Variants in ATG7 observed in about 807,000 individuals in gnomAD.
ATG7 encodes ubiquitin-like modifier-activating enzyme ATG7.
ATG7 carries 70 observed loss-of-function variants against 82.4 expected under a neutral mutation model. The observed-to-expected ratio is 0.85, with a 90% CI of 0.70 to 1.04. ATG7 has a LOEUF of 1.04. Among genes scored for constraint, ATG7 ranks in the 50% least tolerant of loss-of-function variants. The pLI is 0.00. For missense variants in ATG7, 792 were observed against 864.3 expected (o/e 0.92, Z 1.05); for synonymous variants, 287 against 313.0 (o/e 0.92, Z 0.88).
chr3:11,527,100 T>C (rs1411367954), intron 20 of ATG7, among the ~76,000 whole-genome samples: 1 of 146,820 alleles, frequency 6.8e-6, no homozygotes, highest in Non-Finnish European at 1.5e-5. Context: ...TATACATACA[T>C]ATACATATAC....
At chr3:11,558,703 G>A, downstream of ATG7, 1 of 1,614,036 alleles carries the variant, frequency 6.2e-7, no homozygotes. Context: ...CCAGAGCTTT[G>A]GCAAAGTGGT....
intron 6 of ATG7, chr3:11,308,724 T>G (rs560498190): frequency 3.0e-5 from 16 of 525,128 alleles, no homozygotes; most frequent in Non-Finnish European, 5.1e-5. Flanking sequence ...ATGGCCTGGT[T>G]GCCCCCTCGG....
intron 5 of ATG7, among the ~76,000 whole-genome samples, chr3:11,306,035 A>G (rs1559360820): frequency 6.6e-6 from 1 of 152,250 alleles, no homozygotes. Flanking sequence ...ATCATTTCAG[A>G]GAAGAGACCA....
intron 9 of ATG7, among the ~76,000 whole-genome samples, chr3:11,322,873 A>G (rs1352133025): frequency 1.3e-5 from 2 of 152,202 alleles, no homozygotes; most frequent in Admixed American, 1.3e-4. Flanking sequence ...CCTAGGTGAG[A>G]GGATTGTTTG....
intron 19 of ATG7, among the ~76,000 whole-genome samples, chr3:11,399,584 T>C (rs915876129): frequency 6.6e-6 from 1 of 151,912 alleles, no homozygotes; most frequent in Non-Finnish European, 1.5e-5. Flanking sequence ...CTTCCTTCTT[T>C]CCTTCCTTTT....
At chr3:11,335,990 C>G (rs1221916106) in intron 11 of ATG7, among the ~76,000 whole-genome samples, 1 of 151,882 alleles carries the variant, frequency 6.6e-6, no homozygotes, top group East Asian at 1.9e-4. Flanking sequence ...CCCGCCTCGG[C>G]CTCCCAAAGT....
intron 20 of ATG7, chr3:11,510,077 G>A (rs1272801072): frequency 5.9e-6 from 2 of 339,876 alleles, no homozygotes; most frequent in Non-Finnish European, 1.2e-5. Context: ...TATTCTGCCC[G>A]CCCATCTTCT....
chr3:11,386,767 T>C (rs1394105452), intron 19 of ATG7, among the ~76,000 whole-genome samples: 2 of 152,228 alleles, frequency 1.3e-5, no homozygotes, highest in Admixed American at 1.3e-4. Context: ...TCCATATGTA[T>C]GATTGTGTGG....
At chr3:11,524,299 T>G (rs2092517826) in intron 20 of ATG7, among the ~76,000 whole-genome samples, 1 of 152,182 alleles carries the variant, frequency 6.6e-6, no homozygotes, top group Non-Finnish European at 1.5e-5. Flanking sequence ...CCCACTCTTG[T>G]CCCCACTGGG....
the ATG7 span, among the ~76,000 whole-genome samples, chr3:11,576,035 A>G: frequency 6.6e-6 from 1 of 152,236 alleles, no homozygotes; most frequent in East Asian, 1.9e-4. Flanking sequence ...AACTGTCTAC[A>G]TGTGTTTTCC....
At chr3:11,365,740 A>G (rs1386731236) in intron 18 of ATG7, among the ~76,000 whole-genome samples, 2 of 152,200 alleles carry the variant, frequency 1.3e-5, no homozygotes, top group Non-Finnish European at 2.9e-5. Flanking sequence ...GATGAGAATC[A>G]GAAGAGGGGA....
At chr3:11,276,524 A>C (rs1941835658) in intron 1 of ATG7, among the ~76,000 whole-genome samples, 1 of 151,856 alleles carries the variant, frequency 6.6e-6, no homozygotes, top group Non-Finnish European at 1.5e-5. Context: ...AGTTATCTAG[A>C]GTTGCTTCCT....
intron 5 of ATG7, 141 bp downstream of exon 5, chr3:11,299,557 C>T (rs1328593386): frequency 3.9e-6 from 3 of 778,216 alleles, no homozygotes; most frequent in Admixed American, 2.2e-5. Flanking sequence ...TCATGATTCT[C>T]TTATACCTCC....
At chr3:11,440,327 T>TC (rs1429660031) in intron 20 of ATG7, among the ~76,000 whole-genome samples, 1 of 141,664 alleles carries the variant, frequency 7.1e-6, no homozygotes, top group East Asian at 2.1e-4. Context: ...TTTACTCTTT[T>TC]TTTTTTTTTT....
intron 18 of ATG7, among the ~76,000 whole-genome samples, chr3:11,366,566 T>G (rs1389197244): frequency 6.6e-6 from 1 of 152,226 alleles, no homozygotes; most frequent in East Asian, 1.9e-4. Context: ...CCCGCCTTCT[T>G]CTGACCTTGA....
intron 20 of ATG7, among the ~76,000 whole-genome samples, chr3:11,449,015 C>T (rs2084849558): frequency 6.6e-6 from 1 of 152,198 alleles, no homozygotes; most frequent in African/African-American, 2.4e-5. Context: ...AACTGTAAGA[C>T]ATGATGAACA....
Position 11,399,212 on chromosome 3 carries a change from G to A in ATG7, c.1956+19160G>A, listed in dbSNP as rs1233430733. ...AAAATTAAAAAATTAGCTAGGTATG[G>A]TGGCCTGTACATATAGTCCCAGCTA... On this transcript the variant is annotated intron_variant, in intron 19 of 20. Coordinates refer to ENST00000693202, the MANE Select transcript of ATG7 (RefSeq NM_001349232.2). 5.3e-5 allele frequency among the ~76,000 whole-genome samples: 8 copies of A among 152,236 alleles called. No individual in the cohort carries two copies. In the South Asian group the frequency reaches 1.7e-3, roughly 32 times the overall value.
intron 20 of ATG7, among the ~76,000 whole-genome samples, chr3:11,535,963 C>T (rs2070252535): frequency 6.6e-6 from 1 of 152,184 alleles, no homozygotes; most frequent in African/African-American, 2.4e-5. Context: ...GCGTTGCCTG[C>T]CAAACCAGCC....
At position 11,437,057 on chromosome 3, in the gene ATG7, G is replaced by A. The variant is rs139050477; in HGVS notation, c.2079+10131G>A. On this transcript the variant is annotated intron_variant, in intron 20 of 20. Transcript: ENST00000693202. ...ACTCTGAATGGATGAATCATATGGT[G>A]TGTGAATTATCAATACAGATGTTTA... Among the ~76,000 whole-genome samples, 673 of 152,338 alleles carry A rather than the reference G, an allele frequency of 4.4e-3. 4 individuals are homozygous for A. The highest frequency in any genetic ancestry group is 0.015 in the African/African-American group (640 of 41,574).
Sources: allele counts gnomAD v4.1 joint callset (sites outside exome capture counted in the v4.1 genomes callset), GRCh38; gene constraint gnomAD v4.1.1; transcripts MANE v1.5; gene names NCBI Gene and HGNC (gene_info 2026-07-23, HGNC 2026-07-21).